ACSF3: variants seen among roughly 807,000 people sequenced by gnomAD.
The protein encoded by ACSF3 is acyl-CoA synthetase family member 3, also known as malonate--CoA ligase ACSF3, mitochondrial.
A neutral mutation model predicts 53.2 loss-of-function variants in ACSF3; 78 were observed. The ratio of observed to expected loss-of-function variants is 1.47; its 90% CI spans 1.22 to 1.77. The LOEUF is 1.77. Ranked by LOEUF, ACSF3 falls within the 40% of genes most tolerant of loss-of-function variation. ACSF3 has a pLI of 0.00. For missense variants in ACSF3, 937 were observed against 771.1 expected, an observed-to-expected ratio of 1.22 and a Z score of -2.55; for synonymous variants, 414 against 333.1, an observed-to-expected ratio of 1.24 and a Z score of -2.65.
chr16:89,100,855 C>G lies in ACSF3; in HGVS notation c.174C>G (p.Ala58=). 6.2e-7 allele frequency: 1 copy of G among 1,613,570 alleles called. No homozygotes were observed. The highest frequency in any genetic ancestry group is 8.5e-7 in the Non-Finnish European group (1 of 1,180,008). ...CCCTGGCCTTTGGGGACAGAATCGC[C>G]CTGGTTGACCAGCACGGCCGCCACA... ...TRALAFGDRI[A]LVDQHGRHTY... The change falls in exon 3 of 11, where the codon GCC becomes GCG. Residue 58 remains alanine, a synonymous_variant. Transcript: ENST00000614302.
At chr16:89,112,554 CATCT>C (rs1433989715) in intron 5 of ACSF3, among the ~76,000 whole-genome samples, 4 of 151,962 alleles carry the variant, frequency 2.6e-5, no homozygotes, top group East Asian at 1.9e-4. Flanking sequence ...TCCATCTCTC[CATCT>C]ATCTGTCTTC....
At chr16:89,110,086 A>T (rs911051472) in intron 4 of ACSF3, among the ~76,000 whole-genome samples, 1 of 152,142 alleles carries the variant, frequency 6.6e-6, no homozygotes, top group African/African-American at 2.4e-5. Flanking sequence ...TATTTTCTTA[A>T]TGTGTCTTTT....
chr16:89,130,507 G>C (rs1363651932), intron 7 of ACSF3, among the ~76,000 whole-genome samples: 1 of 152,192 alleles, frequency 6.6e-6, no homozygotes, highest in Non-Finnish European at 1.5e-5. Flanking sequence ...CTGGGAGGTG[G>C]AGGTTGCAGT....
Position 89,154,180 on chromosome 16 carries a change from G to A in ACSF3, c.1704G>A (p.Ala568=), listed in dbSNP as rs539500659. 2.8e-4 allele frequency: 447 copies of A among 1,613,534 alleles called. No homozygotes were observed. The highest frequency in any genetic ancestry group is 4.1e-4 in the South Asian group (37 of 90,894). Residue 568 remains alanine, a synonymous_variant, in exon 11 of 11, where the codon GCG becomes GCA. Coordinates refer to ENST00000614302, the MANE Select transcript of ACSF3 (RefSeq NM_001243279.3). ...RNQMGKIDKK[A]LIRHFHPS The stretch of plus-strand genomic sequence containing the variant: ...AGATGGGCAAGATTGACAAGAAGGC[G>A]CTCATCAGGCACTTCCACCCCTCAT...
At chr16:89,127,359 CTAT>C (rs1410588788) in intron 7 of ACSF3, among the ~76,000 whole-genome samples, 1 of 151,528 alleles carries the variant, frequency 6.6e-6, no homozygotes, top group Non-Finnish European at 1.5e-5. Context: ...GTTTTCTTTT[CTAT>C]TATTATTATT....
intron 8 of ACSF3, among the ~76,000 whole-genome samples, chr16:89,141,572 G>C (rs117256047): frequency 1.1e-4 from 17 of 152,176 alleles, no homozygotes; most frequent in South Asian, 2.1e-4. Flanking sequence ...AAGATGCCAG[G>C]AACGTCCAGG....
At chr16:89,128,199 C>T (rs1908538826) in intron 7 of ACSF3, among the ~76,000 whole-genome samples, 1 of 151,132 alleles carries the variant, frequency 6.6e-6, no homozygotes, top group African/African-American at 2.4e-5. Flanking sequence ...GTACGTTGCC[C>T]TTAAGCATTG....
At chr16:89,114,567 C>T (rs1404643347) in intron 6 of ACSF3, 80 bp downstream of exon 6, 3 of 1,586,698 alleles carry the variant, frequency 1.9e-6, no homozygotes, top group African/African-American at 2.7e-5. Context: ...GAACCACCCA[C>T]ATTCGGACTG....
chr16:89,132,483 C>T (rs1169569765), intron 7 of ACSF3, among the ~76,000 whole-genome samples: 2 of 152,152 alleles, frequency 1.3e-5, no homozygotes, highest in African/African-American at 2.4e-5. Context: ...GCCTCCCTCC[C>T]GCCCTCTCCA....
Position 89,146,064 on chromosome 16 carries a change from G to T in ACSF3, c.1613+15G>T. 1.3e-6 allele frequency: 2 copies of T among 1,515,722 alleles called. No homozygotes were observed. Among genetic ancestry groups the T allele is most frequent in the South Asian group, 2.3e-5 (2 of 88,838 alleles). The allele number at this position is 1,515,722 out of a possible 1,614,324, so 93.9% of individuals were successfully genotyped here. ...GAGTGGGCCAGGTAGGGCTGGGTGG[G>T]GCGGGCAGGGAGCACTCATGGGGTC... On this transcript the variant is annotated intron_variant, in intron 10 of 10. Coordinates refer to ENST00000614302, the MANE Select transcript of ACSF3 (RefSeq NM_001243279.3).
chr16:89,151,609 ATAT>A (rs201873066), intron 10 of ACSF3: 8,486 of 148,068 alleles, frequency 0.057, 256 homozygotes, highest in East Asian at 0.28. Flanking sequence ...AATTCACCAT[ATAT>A]TTTTTTTTTT....
Position 89,154,194 on chromosome 16 carries a change from TC to T in ACSF3, c.1720del (p.His574ThrfsTer98), listed in dbSNP as rs1471702467. 1.2e-6 allele frequency: 2 copies of T among 1,613,426 alleles called. No individual in the cohort carries two copies. Among genetic ancestry groups the T allele is most frequent in the Admixed American group, 3.3e-5 (2 of 59,964 alleles). ...KIDKKALIRH[F>X]HPS ...GACAAGAAGGCGCTCATCAGGCACT[TC>T]CACCCCTCATGACCCGGCAGACTGG... On this transcript the variant is annotated frameshift_variant, in exon 11 of 11. Transcript: ENST00000614302. LOFTEE classifies it high-confidence loss of function.
chr16:89,155,168 A>G lies in ACSF3; in HGVS notation c.*961A>G, dbSNP rs748655690. On this transcript the variant is annotated 3_prime_UTR_variant, in exon 11 of 11. Transcript: ENST00000614302. ...TGCACAGGGGCCACATGCAGAATCC[A>G]GAAGTTTCTGGACAATTTTCAGAAG... 4 of 454,070 alleles carry G rather than the reference A, an allele frequency of 8.8e-6. No homozygotes were observed. Among genetic ancestry groups the G allele is most frequent in the Non-Finnish European group, 1.8e-5 (4 of 226,814 alleles). 28.1% of individuals were successfully genotyped at this position (454,070 alleles called of 1,614,324 possible). A position where few individuals can be genotyped will look rare whatever the true frequency, so the allele number is the denominator to read the frequency against.
chr16:89,107,490 G>T lies in ACSF3; in HGVS notation c.823-4602G>T, dbSNP rs144775243. On this transcript the variant is annotated intron_variant, in intron 4 of 10. Transcript: ENST00000614302. Reference sequence around the variant, plus strand: ...CGCGTGCTCCGTTTTCCGTGCCTCAGTGTCACGTTTGTGTTTCTGGTTCAC... The same window carrying T: ...CGCGTGCTCCGTTTTCCGTGCCTCATTGTCACGTTTGTGTTTCTGGTTCAC... 6.4e-3 allele frequency among the ~76,000 whole-genome samples: 947 copies of T among 148,640 alleles called. 9 individuals are homozygous for T. The highest frequency in any genetic ancestry group is 0.022 in the African/African-American group (895 of 41,380).
chr16:89,123,520 C>G (rs962037878), intron 7 of ACSF3, among the ~76,000 whole-genome samples: 1 of 152,166 alleles, frequency 6.6e-6, no homozygotes, highest in Non-Finnish European at 1.5e-5. Context: ...CTGGGCTGTC[C>G]GATCCACTCT....
Position 89,101,111 on chromosome 16 carries a change from T to C in ACSF3, c.430T>C (p.Ser144Pro). 6.2e-7 allele frequency: 1 copy of C among 1,614,022 alleles called. No homozygotes were observed. Among genetic ancestry groups the C allele is most frequent in the Middle Eastern group, 1.6e-4 (1 of 6,062 alleles). Reference protein sequence around the residue: ...LEYVICDSQSSVVLASQEYLE... With the variant: ...LEYVICDSQSPVVLASQEYLE... Reference sequence around the variant, plus strand: ...GTATGTCATCTGCGACTCCCAGAGCTCTGTGGTCCTTGCCAGCCAGGAGTA... The same window carrying C: ...GTATGTCATCTGCGACTCCCAGAGCCCTGTGGTCCTTGCCAGCCAGGAGTA... Residue 144 changes from serine to proline, a missense_variant, in exon 3 of 11, where the codon TCT becomes CCT. By Grantham distance (74) the Ser-to-Pro change is moderately conservative. Transcript: ENST00000614302.
chr16:89,112,651 T>TTCTCTATCTCTCCTGTCTCTCCATCTG (rs1204472203), intron 5 of ACSF3, among the ~76,000 whole-genome samples: 1 of 152,176 alleles, frequency 6.6e-6, no homozygotes, highest in Non-Finnish European at 1.5e-5. Context: ...CGTCTTCTCT[T>TTCTCTATCTCTCCTGTCTCTCCATCTG]TCTCTATCTC....
intron 7 of ACSF3, among the ~76,000 whole-genome samples, chr16:89,125,584 G>A (rs527504822): frequency 2.0e-5 from 3 of 152,010 alleles, no homozygotes; most frequent in Non-Finnish European, 2.9e-5. Flanking sequence ...CCAGCTACTC[G>A]GGAGGCTGAG....
intron 7 of ACSF3, among the ~76,000 whole-genome samples, chr16:89,126,568 C>T (rs1239230462): frequency 5.9e-5 from 9 of 152,164 alleles, no homozygotes. Context: ...TGCACACAGT[C>T]ACGTTTTTGT....
Sources: allele counts gnomAD v4.1 joint callset (sites outside exome capture counted in the v4.1 genomes callset), GRCh38; gene constraint gnomAD v4.1.1; transcripts MANE v1.5; gene names NCBI Gene and HGNC (gene_info 2026-07-23, HGNC 2026-07-21).